Variants in VOPP1 observed in about 807,000 individuals in gnomAD.
VOPP1 encodes VOPP1 WW domain binding protein, also known as WW domain binding protein VOPP1.
VOPP1 carries 8 observed loss-of-function variants against 23.5 expected under a neutral mutation model. That is an observed-to-expected ratio of 0.34 (90% confidence interval 0.20 to 0.61). The LOEUF is 0.61. VOPP1 is among the 20% of genes least tolerant of loss of function. The pLI is 0.78. For synonymous variants in VOPP1, 83 were observed against 97.3 expected (o/e 0.85, Z 0.86); for missense variants, 174 against 238.1 (o/e 0.73, Z 1.77).
At chr7:55,564,451 G>T (rs1214759050) in intron 1 of VOPP1, among the ~76,000 whole-genome samples, 1 of 152,232 alleles carries the variant, frequency 6.6e-6, no homozygotes, top group South Asian at 2.1e-4. Context: ...AGTATTAAAA[G>T]TCAAGCTGTC....
chr7:55,474,089 TCTCA>T (rs779118781), intron 4 of VOPP1, among the ~76,000 whole-genome samples: 13 of 152,200 alleles, frequency 8.5e-5, no homozygotes, highest in Non-Finnish European at 1.8e-4. Flanking sequence ...CTGCACTGTC[TCTCA>T]CTGAGCGCTC....
intron 4 of VOPP1, among the ~76,000 whole-genome samples, chr7:55,482,221 T>C (rs1476656698): frequency 6.6e-6 from 1 of 152,086 alleles, no homozygotes; most frequent in Non-Finnish European, 1.5e-5. Context: ...GGAATTGGAC[T>C]GCAGACTGTA....
At chr7:55,462,213 T>C (rs1791518089) in intron 4 of VOPP1, among the ~76,000 whole-genome samples, 1 of 152,248 alleles carries the variant, frequency 6.6e-6, no homozygotes, top group African/African-American at 2.4e-5. Flanking sequence ...ATTAGTCTGA[T>C]GGGAGTTCCC....
chr7:55,450,883 G>C (rs1279278715), intron 4 of VOPP1, among the ~76,000 whole-genome samples: 1 of 152,244 alleles, frequency 6.6e-6, no homozygotes, highest in Non-Finnish European at 1.5e-5. Context: ...CACTGTTTGT[G>C]ATTTCTGGAG....
intron 3 of VOPP1, among the ~76,000 whole-genome samples, chr7:55,496,179 C>CA (rs1402488776): frequency 6.6e-6 from 1 of 152,234 alleles, no homozygotes; most frequent in East Asian, 1.9e-4. Flanking sequence ...TACAAGCATT[C>CA]TCACGCCCTC....
intron 2 of VOPP1, among the ~76,000 whole-genome samples, chr7:55,501,501 G>A (rs1027168596): frequency 6.6e-6 from 1 of 152,226 alleles, no homozygotes; most frequent in African/African-American, 2.4e-5. Context: ...AGGTCTCCCT[G>A]ACTGTAAGGT....
intron 4 of VOPP1, among the ~76,000 whole-genome samples, chr7:55,484,666 A>G (rs1201654539): frequency 6.6e-6 from 1 of 152,224 alleles, no homozygotes; most frequent in Admixed American, 6.5e-5. Flanking sequence ...AATTAACAAA[A>G]AAGAGAGAGA....
At position 55,497,661 on chromosome 7, in the gene VOPP1, G is replaced by C; in HGVS notation, c.143C>G (p.Ser48Cys). ...GGAGAGGGCCCGCACACAGCACCTGGAGCCACAGCAGTCCTCGTAGGAGCG... is the reference window on the plus strand; with the variant it reads ...GGAGAGGGCCCGCACACAGCACCTGCAGCCACAGCAGTCCTCGTAGGAGCG... ...ICRSYEDCCGSRCCVRALSIQ... is the reference protein window; with the variant it reads ...ICRSYEDCCGCRCCVRALSIQ... The change falls in exon 3 of 5, where the codon TCC becomes TGC. Residue 48 changes from serine (S) to cysteine (C), a missense_variant. Transcript: ENST00000285279. 1 of 1,613,774 alleles carries C rather than the reference G, an allele frequency of 6.2e-7. No homozygotes were observed. Among genetic ancestry groups the C allele is most frequent in the South Asian group, 1.1e-5 (1 of 91,074 alleles).
intron 2 of VOPP1, among the ~76,000 whole-genome samples, chr7:55,520,656 C>T (rs929764082): frequency 1.2e-4 from 18 of 152,188 alleles, no homozygotes; most frequent in African/African-American, 3.6e-4. Context: ...CCTACACATA[C>T]GCACAGACAC....
intron 1 of VOPP1, among the ~76,000 whole-genome samples, chr7:55,561,621 G>T (rs1357296143): frequency 1.3e-5 from 2 of 150,998 alleles, no homozygotes; most frequent in African/African-American, 2.4e-5. Flanking sequence ...GGCAGGAGAG[G>T]GGGAGGCGGA....
chr7:55,470,583 C>T (rs928270762), downstream of VOPP1: 11 of 152,230 alleles, frequency 7.2e-5, no homozygotes, highest in African/African-American at 2.7e-4. Flanking sequence ...ACCCTCTTTC[C>T]CACTCCCCCA....
intron 4 of VOPP1, among the ~76,000 whole-genome samples, chr7:55,445,256 CACACACAG>C (rs1791070959): frequency 9.3e-6 from 1 of 107,690 alleles, no homozygotes; most frequent in African/African-American, 3.1e-5. Flanking sequence ...CACACACACA[CACACACAG>C]ACATACACAC....
chr7:55,458,228 G>A (rs140248746), intron 4 of VOPP1, among the ~76,000 whole-genome samples: 93 of 152,130 alleles, frequency 6.1e-4, no homozygotes, highest in Non-Finnish European at 1.1e-3. Flanking sequence ...AAAATCAGTT[G>A]GTGGTAAATA....
At chr7:55,499,769 C>T (rs1794237329) in intron 2 of VOPP1, among the ~76,000 whole-genome samples, 1 of 152,112 alleles carries the variant, frequency 6.6e-6, no homozygotes, top group Admixed American at 6.5e-5. Context: ...TGCTGGTACC[C>T]CTGGTTCCAC....
intron 2 of VOPP1, among the ~76,000 whole-genome samples, chr7:55,508,846 G>A (rs906710792): frequency 3.3e-5 from 5 of 152,038 alleles, no homozygotes; most frequent in Admixed American, 3.3e-4. Flanking sequence ...TCAGAAGTCT[G>A]CCTATGAGTT....
chr7:55,522,742 G>C (rs1247831861), intron 1 of VOPP1, among the ~76,000 whole-genome samples: 1 of 152,230 alleles, frequency 6.6e-6, no homozygotes, highest in Non-Finnish European at 1.5e-5. Context: ...CTGCTCCGCA[G>C]AGACAGGCCA....
intron 4 of VOPP1, among the ~76,000 whole-genome samples, chr7:55,441,053 C>T (rs1296625722): frequency 6.6e-6 from 1 of 152,162 alleles, no homozygotes; most frequent in Non-Finnish European, 1.5e-5. Flanking sequence ...TATGGAAAGC[C>T]TATATTCCAT....
chr7:55,544,637 G>C (rs186645113), intron 1 of VOPP1, among the ~76,000 whole-genome samples: 1,669 of 152,340 alleles, frequency 0.011, 11 homozygotes, highest in Middle Eastern at 0.02. Context: ...CCTCACCAGA[G>C]GGGAAACTGA....
At chr7:55,510,303 C>G (rs185402137) in intron 2 of VOPP1, among the ~76,000 whole-genome samples, 2 of 152,310 alleles carry the variant, frequency 1.3e-5, no homozygotes, top group East Asian at 3.9e-4. Flanking sequence ...TTCACTTAAT[C>G]TAAATGGGTC....
Sources: allele counts gnomAD v4.1 joint callset (sites outside exome capture counted in the v4.1 genomes callset), GRCh38; gene constraint gnomAD v4.1.1; transcripts MANE v1.5; gene names NCBI Gene and HGNC (gene_info 2026-07-23, HGNC 2026-07-21).